Variants in SLC60A2 observed in about 807,000 individuals in gnomAD.
SLC60A2 encodes major facilitator superfamily domain containing 4B.
chr6:111,260,211 C>G, the SLC60A2 span, among the ~76,000 whole-genome samples: 2 of 152,198 alleles, frequency 1.3e-5, no homozygotes, highest in Non-Finnish European at 2.9e-5. Flanking sequence ...GCGCCCGGCC[C>G]GGCAAGCCTT....
chr6:111,266,546 G>A, the SLC60A2 span: 2 of 1,614,222 alleles, frequency 1.2e-6, no homozygotes, highest in South Asian at 2.2e-5. Context: ...CAACTTCAGT[G>A]TATGGGGCTT....
At chr6:111,276,742 C>G in the SLC60A2 span, among the ~76,000 whole-genome samples, 2 of 152,168 alleles carry the variant, frequency 1.3e-5, no homozygotes, top group Admixed American at 6.5e-5. Context: ...ACCTTGGAAC[C>G]AGAAGGTGTG....
chr6:111,270,541 C>T, the SLC60A2 span: 1 of 151,890 alleles, frequency 6.6e-6, no homozygotes, highest in African/African-American at 2.4e-5. Flanking sequence ...AAAGAGACCC[C>T]TTCTCTAAAA....
chr6:111,259,507 G>A, the SLC60A2 span: 1 of 509,094 alleles, frequency 2.0e-6, no homozygotes, highest in Non-Finnish European at 3.5e-6. Flanking sequence ...GAAGCGCGGC[G>A]GCAGCAAGAC....
At chr6:111,277,436 C>A in the SLC60A2 span, among the ~76,000 whole-genome samples, 2 of 152,204 alleles carry the variant, frequency 1.3e-5, no homozygotes, top group Non-Finnish European at 2.9e-5. Flanking sequence ...GATATTATTA[C>A]AGTTCTCATC....
the SLC60A2 span, among the ~76,000 whole-genome samples, chr6:111,279,880 C>T: frequency 6.6e-6 from 1 of 152,098 alleles, no homozygotes; most frequent in South Asian, 2.1e-4. Flanking sequence ...TTCAACACTG[C>T]AGTGAGCCAT....
At chr6:111,276,555 T>C in the SLC60A2 span, among the ~76,000 whole-genome samples, 1 of 152,242 alleles carries the variant, frequency 6.6e-6, no homozygotes, top group Non-Finnish European at 1.5e-5. Flanking sequence ...TTGCAATTTT[T>C]GTTCAGTCAT....
chr6:111,265,424 T>C, the SLC60A2 span: 64 of 983,286 alleles, frequency 6.5e-5, no homozygotes, highest in African/African-American at 1.1e-3. Context: ...GTTTTGCATC[T>C]GTTACATACA....
chr6:111,276,962 G>A, the SLC60A2 span, among the ~76,000 whole-genome samples: 25 of 151,476 alleles, frequency 1.7e-4, no homozygotes, highest in East Asian at 1.2e-3. Flanking sequence ...TCCAGATTCC[G>A]GAGGAAACCT....
At chr6:111,270,882 A>G in the SLC60A2 span, 2 of 152,168 alleles carry the variant, frequency 1.3e-5, no homozygotes, top group Non-Finnish European at 2.9e-5. Flanking sequence ...GAGCTGGGGA[A>G]AAAAGCTTCA....
At chr6:111,268,014 C>T in the SLC60A2 span, 1 of 152,166 alleles carries the variant, frequency 6.6e-6, no homozygotes, top group Admixed American at 6.5e-5. Context: ...GTTTATCTCG[C>T]CTCCTGATCT....
the SLC60A2 span, chr6:111,263,970 C>T: frequency 2.6e-5 from 32 of 1,210,684 alleles, no homozygotes; most frequent in Admixed American, 5.3e-4. Context: ...TCAACGTCAT[C>T]TCTGGGAGTA....
the SLC60A2 span, among the ~76,000 whole-genome samples, chr6:111,261,871 C>T: frequency 2.0e-5 from 3 of 152,132 alleles, no homozygotes; most frequent in African/African-American, 4.8e-5. Flanking sequence ...AGATTACAGG[C>T]GTGAGCTACT....
chr6:111,262,402 T>C, the SLC60A2 span: 2 of 1,613,122 alleles, frequency 1.2e-6, no homozygotes, highest in Middle Eastern at 1.6e-4. Context: ...CTTGTCGATG[T>C]CATGAATTAT....
chr6:111,266,280 T>G, the SLC60A2 span: 2 of 1,614,246 alleles, frequency 1.2e-6, no homozygotes, highest in Non-Finnish European at 1.7e-6. Flanking sequence ...GTTCTTCTTT[T>G]TTTATGTTGG....
At chr6:111,260,226 C>T in the SLC60A2 span, among the ~76,000 whole-genome samples, 1 of 152,132 alleles carries the variant, frequency 6.6e-6, no homozygotes, top group African/African-American at 2.4e-5. Flanking sequence ...AGCCTTCCTA[C>T]GTCTCCTTCG....
chr6:111,266,990 G>A, the SLC60A2 span: 8 of 1,614,170 alleles, frequency 5.0e-6, no homozygotes, highest in Non-Finnish European at 4.2e-6. Context: ...GTAGTCTGAC[G>A]GAGCCCACAG....
chr6:111,266,381 CTTCTG>C, the SLC60A2 span: 1 of 1,614,170 alleles, frequency 6.2e-7, no homozygotes, highest in Non-Finnish European at 8.5e-7. Context: ...TGAACTCCAT[CTTCTG>C]GGGGACATTT....
At chr6:111,267,131 T>A in the SLC60A2 span, 1 of 1,584,872 alleles carries the variant, frequency 6.3e-7, no homozygotes, top group South Asian at 1.2e-5. Flanking sequence ...GAAGATGGAT[T>A]ACTCACTGAC....
Sources: gnomAD v4.1 joint callset for allele counts (sites outside exome capture counted in the v4.1 genomes callset) on GRCh38, gnomAD v4.1.1 for gene constraint, MANE v1.5 for transcripts, NCBI Gene and HGNC (gene_info 2026-07-23, HGNC 2026-07-21) for gene names.